Variants in SFRP4 observed in about 807,000 individuals in gnomAD.
SFRP4 encodes secreted frizzled-related protein 4.
Under a neutral mutation model 36.3 loss-of-function variants are expected in SFRP4, and 25 were observed. The observed-to-expected ratio is 0.69, with a 90% CI of 0.50 to 0.96. SFRP4 has a LOEUF of 0.96. Ranked by LOEUF, SFRP4 falls within the 40% of genes least tolerant of loss-of-function variation. SFRP4 has a pLI of 0.00. For synonymous variants in SFRP4, 182 were observed against 168.8 expected (o/e 1.08, Z -0.60); for missense variants, 487 against 459.6 (o/e 1.06, Z -0.54).
At position 37,916,636 on chromosome 7, in the gene SFRP4, T is replaced by C. The variant is rs761445034; in HGVS notation, c.-99A>G. The C allele has an allele frequency of 2.5e-5, 37 of 1,470,472 alleles. No homozygotes were observed. Among genetic ancestry groups the C allele is most frequent in the Non-Finnish European group, 3.3e-5 (37 of 1,105,248 alleles). 91.1% of individuals were successfully genotyped at this position (1,470,472 alleles called of 1,614,324 possible). A position where few individuals can be genotyped will look rare whatever the true frequency, so the allele number is the denominator to read the frequency against. ...TGTCCCTTCGCCGAGGAAGAAATCCTCTGGGGCGCAGGAGAGTTTCTTCCC... is the reference window on the plus strand; with the variant it reads ...TGTCCCTTCGCCGAGGAAGAAATCCCCTGGGGCGCAGGAGAGTTTCTTCCC... On this transcript the variant is annotated 5_prime_UTR_variant, in exon 1 of 6. Coordinates refer to ENST00000436072, the MANE Select transcript of SFRP4 (RefSeq NM_003014.4). The surrounding 1 kb of genome is among the most constrained non-coding windows in gnomAD (Gnocchi z 4.1).
rs541699427 is a variant in SFRP4, at chr7:37,908,701, C to T, written c.855+916G>A. On this transcript the variant is annotated intron_variant, in intron 5 of 5. Coordinates refer to ENST00000436072, the MANE Select transcript of SFRP4 (RefSeq NM_003014.4). ...TCTAATCTACTGTAGTCCTGGAAAC[C>T]AGATAACCAATCTTGCTAGAATTTC... is the stretch of plus-strand genomic sequence containing the variant. Among the ~76,000 whole-genome samples, 6 of 145,074 alleles carry T rather than the reference C, an allele frequency of 4.1e-5. No homozygotes were observed. The East Asian group carries it at 1.3e-3, about 31-fold the overall frequency.
At chr7:37,911,425 G>A (rs1785484255) in intron 4 of SFRP4, among the ~76,000 whole-genome samples, 1 of 152,004 alleles carries the variant, frequency 6.6e-6, no homozygotes, top group South Asian at 2.1e-4. Flanking sequence ...CAACTTATGG[G>A]GCCCAACATG....
In SFRP4 at chr7:37,916,022, G is replaced by A; in HGVS notation, c.445+71C>T. 1.9e-6 allele frequency: 3 copies of A among 1,544,036 alleles called. No individual in the cohort carries two copies. Among genetic ancestry groups the A allele is most frequent in the African/African-American group, 1.4e-5 (1 of 73,214 alleles). On this transcript the variant is annotated intron_variant, in intron 1 of 5. Transcript: ENST00000436072. This position sits in a 1 kb window ranked among gnomAD's most constrained non-coding sequence, Gnocchi z 4.1. ...GCCCCTGGCAGCCTTAGGTGTGGCC[G>A]CCCAGTTCTCGATTGGCAGCCACAG...
chr7:37,911,971 A>G (rs1241984542), intron 4 of SFRP4, 148 bp downstream of exon 4: 6 of 483,724 alleles, frequency 1.2e-5, no homozygotes, highest in Non-Finnish European at 1.8e-5. Flanking sequence ...GATAGAATAT[A>G]TGCTATTCAA....
chr7:37,912,810 C>T (rs772466209), intron 3 of SFRP4, among the ~76,000 whole-genome samples: 5 of 152,194 alleles, frequency 3.3e-5, no homozygotes, highest in Non-Finnish European at 7.4e-5. Context: ...CTTTTAACTT[C>T]ACAGACTGAC....
At chr7:37,910,524 G>A (rs902032588) in intron 4 of SFRP4, among the ~76,000 whole-genome samples, 6 of 151,824 alleles carry the variant, frequency 4.0e-5, no homozygotes, top group African/African-American at 1.4e-4. Context: ...AGTCAGATAT[G>A]TGTATTGATA....
In SFRP4 at chr7:37,912,994, G is replaced by A. The variant is rs1262756034; in HGVS notation, c.593-677C>T. 5.9e-5 allele frequency among the ~76,000 whole-genome samples: 9 copies of A among 152,168 alleles called. No homozygotes were observed. In the East Asian group the frequency reaches 1.7e-3, roughly 29 times the overall value. On this transcript the variant is annotated intron_variant, in intron 3 of 5. Transcript: ENST00000436072. ...TCTTGGATTCCATTTCAGGAAGCCA[G>A]TTTATGAAGACACCAAAGGACTTGA...
intron 4 of SFRP4, among the ~76,000 whole-genome samples, chr7:37,911,917 A>ATACTCATTTTGATTTTTCCTTCAT (rs1785493503): frequency 6.6e-6 from 1 of 151,762 alleles, no homozygotes; most frequent in Non-Finnish European, 1.5e-5. Context: ...CTCTATTCAA[A>ATACTCATTTTGATTTTTCCTTCAT]TACTCATATT....
intron 4 of SFRP4, among the ~76,000 whole-genome samples, chr7:37,910,232 G>T (rs893301226): frequency 3.0e-4 from 46 of 151,898 alleles, no homozygotes; most frequent in African/African-American, 1.1e-3. Flanking sequence ...CTAACATTAA[G>T]AATTAGGTGA....
At chr7:37,909,538 T>C (rs1785448004) in intron 5 of SFRP4, 79 bp downstream of exon 5, 5 of 780,148 alleles carry the variant, frequency 6.4e-6, no homozygotes, top group Non-Finnish European at 1.0e-5. Context: ...GATTAGAGAA[T>C]GGGAAGAATT....
At position 37,916,503 on chromosome 7, in the gene SFRP4, C is replaced by G. The variant is rs1226204385; in HGVS notation, c.35G>C (p.Trp12Ser). Residue 12 changes from tryptophan (W) to serine (S), a missense_variant, in exon 1 of 6, where the codon TGG becomes TCG. Transcript: ENST00000436072. The surrounding 1 kb of genome is among the most constrained non-coding windows in gnomAD (Gnocchi z 4.1). ...GCGCACGCCCAGCGCCAGGTGCAGC[C>G]ACAGGCACAGCGCCACTAGGATGGA... ...FLSILVALCL[W>S]LHLALGVRGA... 8.7e-6 allele frequency: 14 copies of G among 1,611,516 alleles called. No homozygotes were observed. The highest frequency in any genetic ancestry group is 1.2e-5 in the Non-Finnish European group (14 of 1,179,522).
Position 37,907,512 on chromosome 7 carries a change from A to C in SFRP4, c.1008T>G (p.Ser336Arg). ...TTTTCGGGTTTGTTCTCTTCTGGGC[A>C]CTCCTAGTTTTAATGTTCTTCTTGG... ...ASPKKNIKTRSAQKRTNPKRV is the reference protein window; with the variant it reads ...ASPKKNIKTRRAQKRTNPKRV Residue 336 changes from serine to arginine, a missense_variant, in exon 6 of 6, where the codon AGT becomes AGG. Physicochemically the swap from Ser to Arg is moderately radical, Grantham distance 110. Transcript: ENST00000436072. 6.2e-7 allele frequency: 1 copy of C among 1,613,618 alleles called. No individual in the cohort carries two copies. Among genetic ancestry groups the C allele is most frequent in the Non-Finnish European group, 8.5e-7 (1 of 1,179,814 alleles).
rs1448750064 is a variant in SFRP4 at position 37,906,207 on chromosome 7, C to G, written c.*1272G>C. ...ACCTGGAGAATAATATGCCAAAATACTAATAGTGATTACCTCTGTGTAGTG... is the reference window on the plus strand; with the variant it reads ...ACCTGGAGAATAATATGCCAAAATAGTAATAGTGATTACCTCTGTGTAGTG... On this transcript the variant is annotated 3_prime_UTR_variant, in exon 6 of 6. Transcript: ENST00000436072. 1.3e-5 allele frequency: 2 copies of G among 152,126 alleles called. No individual in the cohort carries two copies. Among genetic ancestry groups the G allele is most frequent in the African/African-American group, 2.4e-5 (1 of 41,414 alleles). The allele number at this position is 152,126 out of a possible 1,614,324, so 9.4% of individuals were successfully genotyped here. A position where few individuals can be genotyped will look rare whatever the true frequency, so the allele number is the denominator to read the frequency against.
chr7:37,907,803 A>T, intron 5 of SFRP4, 139 bp from the exon 6 acceptor site: 1 of 603,002 alleles, frequency 1.7e-6, no homozygotes. Context: ...TATGTGAAGC[A>T]CTTATCATGT....
rs1785506496 is a variant in SFRP4, at chr7:37,912,336, T to C, written c.593-19A>G. 1.2e-6 allele frequency: 2 copies of C among 1,605,630 alleles called. No individual in the cohort carries two copies. Among genetic ancestry groups the C allele is most frequent in the Non-Finnish European group, 8.5e-7 (1 of 1,172,566 alleles). On this transcript the variant is annotated intron_variant, in intron 3 of 5. Coordinates refer to ENST00000436072, the MANE Select transcript of SFRP4 (RefSeq NM_003014.4). Reference sequence around the variant, plus strand: ...TGAATAACTGCAATTTAAAAATAGATAAAAGTGTTGTTGAAGGTTTTGGGG... The same window carrying C: ...TGAATAACTGCAATTTAAAAATAGACAAAAGTGTTGTTGAAGGTTTTGGGG...
At chr7:37,911,707 T>C (rs62446004) in intron 4 of SFRP4, among the ~76,000 whole-genome samples, 4,325 of 152,292 alleles carry the variant, frequency 0.028, 103 homozygotes, top group East Asian at 0.088. Flanking sequence ...TTATGAAGTG[T>C]TTATATGGAA....
chr7:37,916,620 G>T lies in SFRP4; in HGVS notation c.-83C>A. On this transcript the variant is annotated 5_prime_UTR_variant, in exon 1 of 6. Transcript: ENST00000436072. The surrounding 1 kb of genome is among the most constrained non-coding windows in gnomAD (Gnocchi z 4.1). Reference sequence around the variant, plus strand: ...CACCCTCATCTTTCGCTGTCCCTTCGCCGAGGAAGAAATCCTCTGGGGCGC... The same window carrying T: ...CACCCTCATCTTTCGCTGTCCCTTCTCCGAGGAAGAAATCCTCTGGGGCGC... 6.6e-7 allele frequency: 1 copy of T among 1,505,556 alleles called. No homozygotes were observed. The highest frequency in any genetic ancestry group is 8.9e-7 in the Non-Finnish European group (1 of 1,126,182). The allele number at this position is 1,505,556 out of a possible 1,614,324, so 93.3% of individuals were successfully genotyped here. A position where few individuals can be genotyped will look rare whatever the true frequency, so the allele number is the denominator to read the frequency against.
rs756258115 is a variant in SFRP4, at chr7:37,912,111, G to A, written c.791+8C>T. 2.5e-6 allele frequency: 4 copies of A among 1,610,000 alleles called. No homozygotes were observed. Among genetic ancestry groups the A allele is most frequent in the Non-Finnish European group, 3.4e-6 (4 of 1,176,344 alleles). ...TGCATACAGTTCCTTCTGCCTCTTT[G>A]TGCCTACCTTGAGCGCCACTCGTAA... On this transcript the variant is annotated splice_region_variant and intron_variant, in intron 4 of 5. Coordinates refer to ENST00000436072, the MANE Select transcript of SFRP4 (RefSeq NM_003014.4).
Position 37,907,621 on chromosome 7 carries a change from T to C in SFRP4, c.899A>G (p.Asp300Gly). 1 of 1,613,798 alleles carries C rather than the reference T, an allele frequency of 6.2e-7. No individual in the cohort carries two copies. The change falls in exon 6 of 6, where the codon GAC becomes GGC. Residue 300 changes from aspartate (D) to glycine (G), a missense_variant. By Grantham distance (94) the Asp-to-Gly change is moderately conservative. Transcript: ENST00000436072. ...GGTGCGCCCGGCTGTTTTCTTCTTG[T>C]CCTGAACTGTTCTCCGCTGTTCCTG... ...RLQEQRRTVQ[D>G]KKKTAGRTSR... is the part of the protein sequence containing the mutation.
Sources: gnomAD v4.1 joint callset for allele counts (sites outside exome capture counted in the v4.1 genomes callset) on GRCh38, gnomAD v4.1.1 for gene constraint, Gnocchi (gnomAD v3.1) non-coding constraint, MANE v1.5 for transcripts, NCBI Gene and HGNC (gene_info 2026-07-23, HGNC 2026-07-21) for gene names.